The following LRRC56 variants were observed in gnomAD, a reference collection of about 807,000 sequenced individuals.
LRRC56 encodes leucine rich repeat containing 56.
In LRRC56, 41 loss-of-function variants were observed where a neutral mutation model predicts 47.8. The ratio of observed to expected loss-of-function variants is 0.86; its 90% confidence interval spans 0.67 to 1.11. The LOEUF is 1.11. Among genes scored for constraint, LRRC56 ranks in the 50% most tolerant of loss-of-function variants. LRRC56 has a pLI of 0.00. For synonymous variants in LRRC56, 387 were observed against 311.2 expected (o/e 1.24, Z -2.56); for missense variants, 759 against 704.2 (o/e 1.08, Z -0.88).
At chr11:512,577 A>G in the LRRC56 span, among the ~76,000 whole-genome samples, 6 of 152,190 alleles carry the variant, frequency 3.9e-5, no homozygotes, top group South Asian at 2.1e-4. Flanking sequence ...GGTGCGAGGA[A>G]AGGGCACCCT....
At chr11:548,807 C>T (rs965905662) in intron 6 of LRRC56, among the ~76,000 whole-genome samples, 1 of 152,170 alleles carries the variant, frequency 6.6e-6, no homozygotes, top group African/African-American at 2.4e-5. Context: ...TTAGACGTCG[C>T]CACAGTGGAC....
chr11:543,372 G>A (rs1218493102), intron 5 of LRRC56, among the ~76,000 whole-genome samples: 3 of 150,704 alleles, frequency 2.0e-5, no homozygotes, highest in East Asian at 2.0e-4. Flanking sequence ...GTGCCACCAC[G>A]CCCGAGTAAT....
the LRRC56 span, among the ~76,000 whole-genome samples, chr11:511,182 G>A: frequency 3.9e-3 from 590 of 152,014 alleles, 9 homozygotes; most frequent in Admixed American, 0.036. Context: ...TTAGCCGGGC[G>A]TGGTGGCGGG....
the LRRC56 span, among the ~76,000 whole-genome samples, chr11:515,412 G>A: frequency 6.6e-6 from 1 of 152,196 alleles, no homozygotes; most frequent in Admixed American, 6.6e-5. Flanking sequence ...ATGATGTCCA[G>A]TGGATCAGGT....
the LRRC56 span, among the ~76,000 whole-genome samples, chr11:526,762 C>T: frequency 4.6e-5 from 7 of 151,604 alleles, no homozygotes; most frequent in African/African-American, 1.5e-4. Flanking sequence ...CATGGCAAAA[C>T]CCCGTCTCTA....
At chr11:552,357 C>T (rs971145740) in intron 12 of LRRC56, 125 bp downstream of exon 12, 14 of 1,384,038 alleles carry the variant, frequency 1.0e-5, no homozygotes, top group East Asian at 2.4e-5. Flanking sequence ...TGTCCTGTCC[C>T]GTGGGGGGAT....
chr11:507,711 T>A, the LRRC56 span, among the ~76,000 whole-genome samples: 7 of 152,330 alleles, frequency 4.6e-5, no homozygotes, highest in Admixed American at 2.6e-4. Flanking sequence ...CGGCTCCGCA[T>A]GTCGGGGTCG....
upstream of LRRC56, chr11:532,752 C>A: frequency 6.2e-7 from 1 of 1,612,616 alleles, no homozygotes; most frequent in Non-Finnish European, 8.5e-7. Context: ...GCATCCTCCA[C>A]TCCCTGGGAA....
the LRRC56 span, among the ~76,000 whole-genome samples, chr11:510,739 C>CA: frequency 3.0e-4 from 44 of 145,670 alleles, no homozygotes; most frequent in African/African-American, 1.0e-3. Context: ...AACTCCATCT[C>CA]AAAAAAAAAA....
chr11:508,457 C>T, the LRRC56 span, among the ~76,000 whole-genome samples: 2 of 152,242 alleles, frequency 1.3e-5, no homozygotes, highest in Non-Finnish European at 2.9e-5. Context: ...CTACACCCGG[C>T]CTGATCATCT....
chr11:536,955 G>A (rs1257506894), upstream of LRRC56: 1 of 152,214 alleles, frequency 6.6e-6, no homozygotes, highest in Non-Finnish European at 1.5e-5. Context: ...ATGAACGCGA[G>A]TGAGAAGCGG....
At chr11:534,345 C>G (rs377669809), upstream of LRRC56, 2 of 1,586,712 alleles carry the variant, frequency 1.3e-6, no homozygotes, top group Admixed American at 1.7e-5. Flanking sequence ...GCCTGCGGCC[C>G]GGGGTCCTCC....
the LRRC56 span, among the ~76,000 whole-genome samples, chr11:517,595 C>T: frequency 4.6e-5 from 7 of 151,544 alleles, no homozygotes; most frequent in East Asian, 1.9e-4. Flanking sequence ...CACCTCTGCC[C>T]GGCCACCCCG....
At chr11:509,964 G>A in the LRRC56 span, among the ~76,000 whole-genome samples, 11 of 150,192 alleles carry the variant, frequency 7.3e-5, no homozygotes, top group Non-Finnish European at 1.2e-4. Context: ...TTTATATACC[G>A]CCCCAGAGCT....
chr11:534,433 A>C (rs975892037), upstream of LRRC56: 106 of 848,862 alleles, frequency 1.2e-4, no homozygotes, highest in Non-Finnish European at 1.5e-4. Flanking sequence ...CCCACAGGGC[A>C]GCTGCTGGCA....
In LRRC56 at chr11:550,171, C is replaced by T; in HGVS notation, c.523C>T (p.Leu175=). The change falls in exon 8 of 14, where the codon CTG becomes TTG. Residue 175 remains leucine, a synonymous_variant. Transcript: ENST00000270115. ...LDLEGNSVED[L]GQVRYLQLCP... ...CCTGGAGGGCAACAGCGTGGAGGAC[C>T]TGGGGCAGGTGCGCTACTTGCAGCT... 2 of 1,613,286 alleles carry T rather than the reference C, an allele frequency of 1.2e-6. No individual in the cohort carries two copies. The highest frequency in any genetic ancestry group is 1.7e-6 in the Non-Finnish European group (2 of 1,179,858).
At chr11:551,041 G>T (rs1852354830) in intron 8 of LRRC56, 90 bp from the exon 9 acceptor site, 1 of 759,318 alleles carries the variant, frequency 1.3e-6, no homozygotes. Flanking sequence ...CCCCACGGTG[G>T]GTCTGGGAAA....
chr11:551,723 C>G lies in LRRC56; in HGVS notation c.869C>G (p.Ser290Cys). Residue 290 changes from serine to cysteine, a missense_variant, in exon 10 of 14, where the codon TCC becomes TGC. Physicochemically the swap from Ser to Cys is moderately radical, Grantham distance 112 (BLOSUM62 -1). Transcript: ENST00000270115. ...CTGCCTGAGACGCAGTCCCGGGCCT[C>G]CAGGCCCTGGCCCTTCTCCCTGCTG... is the stretch of plus-strand genomic sequence containing the variant. ...LSLPETQSRA[S>C]RPWPFSLLVR... 6.2e-7 allele frequency: 1 copy of G among 1,611,452 alleles called. No homozygotes were observed. Among genetic ancestry groups the G allele is most frequent in the Non-Finnish European group, 8.5e-7 (1 of 1,179,190 alleles).
the LRRC56 span, among the ~76,000 whole-genome samples, chr11:511,117 C>T: frequency 1.3e-5 from 2 of 151,914 alleles, no homozygotes; most frequent in African/African-American, 2.4e-5. Context: ...GTCAGGAGAT[C>T]GAGACCATCC....
Sources: gnomAD v4.1 joint callset for allele counts (sites outside exome capture counted in the v4.1 genomes callset) on GRCh38, gnomAD v4.1.1 for gene constraint, MANE v1.5 for transcripts, NCBI Gene and HGNC (gene_info 2026-07-23, HGNC 2026-07-21) for gene names.